DCC: variants seen among roughly 807,000 people sequenced by gnomAD.
DCC encodes the protein netrin receptor DCC.
DCC carries 58 observed loss-of-function variants against 172.5 expected under a neutral mutation model. That is an observed-to-expected ratio of 0.34 (90% CI 0.27 to 0.42). The LOEUF (loss-of-function observed/expected upper bound fraction) is 0.42. Ranked by LOEUF, DCC falls within the 10% of genes least tolerant of loss-of-function variation. DCC has a pLI of 1.00. For synonymous variants in DCC, 709 were observed against 644.5 expected (o/e 1.10, Z -1.52); for missense variants, 1,740 against 1,791.0 (o/e 0.97, Z 0.51).
chr18:53,468,059 G>T (rs768457097), intron 25 of DCC, 49 bp downstream of exon 25: 4 of 904,056 alleles, frequency 4.4e-6, no homozygotes, highest in South Asian at 3.9e-5. Flanking sequence ...CTTTCTGTAT[G>T]TATCTTTTCT....
At chr18:52,544,801 T>C (rs1427362093) in intron 1 of DCC, among the ~76,000 whole-genome samples, 2 of 152,202 alleles carry the variant, frequency 1.3e-5, no homozygotes, top group Non-Finnish European at 2.9e-5. Flanking sequence ...CCCCCTTAGT[T>C]TGACTGAATG....
chr18:53,047,785 A>G (rs2042276462), intron 5 of DCC, among the ~76,000 whole-genome samples: 1 of 151,734 alleles, frequency 6.6e-6, no homozygotes, highest in African/African-American at 2.4e-5. Flanking sequence ...GACCTTGGGC[A>G]ATGTACTTAA....
At chr18:52,708,301 G>A (rs901659272) in intron 1 of DCC, among the ~76,000 whole-genome samples, 6 of 152,026 alleles carry the variant, frequency 3.9e-5, no homozygotes, top group Non-Finnish European at 7.4e-5. Flanking sequence ...AGTTAGCTGG[G>A]CGTGGTGGCG....
intron 1 of DCC, among the ~76,000 whole-genome samples, chr18:52,578,737 C>T (rs1055745620): frequency 7.2e-5 from 11 of 152,194 alleles, no homozygotes; most frequent in Non-Finnish European, 1.6e-4. Flanking sequence ...CACGGTGGCT[C>T]ATGCCTGTAA....
At chr18:52,884,348 A>G (rs548028073) in intron 2 of DCC, among the ~76,000 whole-genome samples, 3 of 150,268 alleles carry the variant, frequency 2.0e-5, no homozygotes, top group African/African-American at 7.3e-5. Context: ...TTTTAAGTCT[A>G]TTTTCTAGAT....
chr18:52,378,544 A>G (rs1489912106), intron 1 of DCC, among the ~76,000 whole-genome samples: 2 of 152,064 alleles, frequency 1.3e-5, no homozygotes, highest in Non-Finnish European at 2.9e-5. Flanking sequence ...TTTAAAATAT[A>G]TATACTTTTT....
At chr18:53,056,366 A>G (rs963546972) in intron 5 of DCC, among the ~76,000 whole-genome samples, 2 of 152,134 alleles carry the variant, frequency 1.3e-5, no homozygotes, top group African/African-American at 4.8e-5. Flanking sequence ...GGGGATTACA[A>G]TTCGAGATGA....
chr18:52,951,448 G>A (rs983444037), intron 5 of DCC, among the ~76,000 whole-genome samples: 12 of 145,924 alleles, frequency 8.2e-5, no homozygotes, highest in Non-Finnish European at 1.9e-4. Context: ...CCCACCCCCC[G>A]ACAGGTCCCG....
intron 1 of DCC, among the ~76,000 whole-genome samples, chr18:52,703,241 C>G (rs1160678663): frequency 1.3e-5 from 2 of 152,180 alleles, no homozygotes; most frequent in Admixed American, 1.3e-4. Context: ...GAAAACCTCT[C>G]TTGGACCCAA....
chr18:53,396,774 CT>C (rs1284007326), intron 17 of DCC, among the ~76,000 whole-genome samples: 9 of 152,054 alleles, frequency 5.9e-5, no homozygotes, highest in African/African-American at 1.9e-4. Context: ...TAACAATGGT[CT>C]ATTTAAAATA....
chr18:52,526,962 G>C, intron 1 of DCC, among the ~76,000 whole-genome samples: 1 of 152,178 alleles, frequency 6.6e-6, no homozygotes, highest in African/African-American at 2.4e-5. Flanking sequence ...TACAGGTGGT[G>C]TTTAAATATC....
chr18:52,955,491 A>G (rs1340563501), intron 5 of DCC, among the ~76,000 whole-genome samples: 1 of 152,114 alleles, frequency 6.6e-6, no homozygotes, highest in African/African-American at 2.4e-5. Flanking sequence ...GGCAATTGTG[A>G]ATAGAGTTTC....
intron 1 of DCC, among the ~76,000 whole-genome samples, chr18:52,399,735 T>G (rs968856100): frequency 5.3e-5 from 8 of 151,976 alleles, no homozygotes; most frequent in Non-Finnish European, 1.0e-4. Context: ...TGGCATTAAT[T>G]ATAGTGTTTT....
Position 52,340,977 on chromosome 18 carries a change from C to A in DCC, c.91+99C>A, listed in dbSNP as rs1465829928. 4.0e-6 allele frequency: 4 copies of A among 988,662 alleles called. No individual in the cohort carries two copies. The African/African-American group carries it at 4.8e-5, about 12-fold the overall frequency. The allele number at this position is 988,662 out of a possible 1,614,324, so 61.2% of individuals were successfully genotyped here. ...GTAGTAGAATTGGGGTGGGGGATAG[C>A]AAGAGATTTGGCGCTTGCGCTGCCC... On this transcript the variant is annotated intron_variant, in intron 1 of 28. Coordinates refer to ENST00000442544, the MANE Select transcript of DCC (RefSeq NM_005215.4).
At chr18:52,997,787 G>T (rs547188354) in intron 5 of DCC, among the ~76,000 whole-genome samples, 12 of 152,080 alleles carry the variant, frequency 7.9e-5, no homozygotes, top group Non-Finnish European at 1.5e-4. Context: ...ACGAGTATTC[G>T]CAGTTTTTTG....
intron 15 of DCC, among the ~76,000 whole-genome samples, chr18:53,381,561 C>A (rs935799871): frequency 1.1e-4 from 1 of 9,520 alleles, no homozygotes; most frequent in African/African-American, 1.3e-4. Flanking sequence ...TTACCCCCCA[C>A]CCCCCCCCCA....
At chr18:53,522,244 T>C (rs2046406670) in intron 27 of DCC, among the ~76,000 whole-genome samples, 1 of 150,954 alleles carries the variant, frequency 6.6e-6, no homozygotes, top group Non-Finnish European at 1.5e-5. Flanking sequence ...ACAATTAAGA[T>C]GGCACCAGGA....
At chr18:53,272,451 C>T (rs1049121967) in intron 12 of DCC, among the ~76,000 whole-genome samples, 14 of 152,174 alleles carry the variant, frequency 9.2e-5, no homozygotes, top group African/African-American at 3.4e-4. Flanking sequence ...CTATCAATTG[C>T]CACTCTTTGC....
rs573457219 is a variant in DCC, at chr18:53,170,568, C to T, written c.1419-8394C>T. Among the ~76,000 whole-genome samples the T allele has an allele frequency of 2.1e-4, 32 of 152,124 alleles. 1 individual carries two copies. Among genetic ancestry groups the T allele is most frequent in the Middle Eastern group, 3.4e-3 (1 of 294 alleles). ...TTTGTGGAAAAGTCCCCTTCTTGGA[C>T]GCAATAGATTTATTTCTTATGAAGT... On this transcript the variant is annotated intron_variant, in intron 8 of 28. Coordinates refer to ENST00000442544, the MANE Select transcript of DCC (RefSeq NM_005215.4).
Sources: gnomAD v4.1 joint callset for allele counts (sites outside exome capture counted in the v4.1 genomes callset) on GRCh38, gnomAD v4.1.1 for gene constraint, MANE v1.5 for transcripts, NCBI Gene and HGNC (gene_info 2026-07-23, HGNC 2026-07-21) for gene names.